Variants in HIPK3 observed in about 807,000 individuals in gnomAD.
HIPK3 encodes the protein homeodomain-interacting protein kinase 3.
A neutral mutation model predicts 124.2 loss-of-function variants in HIPK3; 47 were observed. The ratio of observed to expected loss-of-function variants is 0.38; its 90% CI spans 0.30 to 0.48. HIPK3 has a LOEUF of 0.48. Among genes scored for constraint, HIPK3 ranks in the 20% least tolerant of loss-of-function variants. The probability of loss-of-function intolerance (pLI) is 0.98; values close to 1 mark genes in which losing one functional copy is unlikely to be tolerated. For missense variants in HIPK3, 1,286 were observed against 1,454.3 expected (o/e 0.88, Z 1.88); for synonymous variants, 482 against 515.2 (o/e 0.94, Z 0.87).
chr11:33,308,154 A>C (rs1264191613), intron 2 of HIPK3, among the ~76,000 whole-genome samples: 4 of 152,164 alleles, frequency 2.6e-5, no homozygotes, highest in Admixed American at 2.6e-4. Flanking sequence ...GCTATCCCTA[A>C]ACTGAGCACC....
intron 4 of HIPK3, among the ~76,000 whole-genome samples, chr11:33,337,949 G>C (rs1290633037): frequency 2.0e-5 from 3 of 151,918 alleles, no homozygotes; most frequent in Admixed American, 2.0e-4. Flanking sequence ...TGGGATTACA[G>C]GTGTGAGCCA....
At position 33,349,333 on chromosome 11, in the gene HIPK3, A is replaced by G. The variant is rs1478558798; in HGVS notation, c.2807+46A>G. 9 of 1,509,688 alleles carry G rather than the reference A, an allele frequency of 6.0e-6. 1 individual carries two copies. The East Asian group carries it at 1.8e-4, about 31-fold the overall frequency. 93.5% of individuals were successfully genotyped at this position (1,509,688 alleles called of 1,614,324 possible). On this transcript the variant is annotated intron_variant, in intron 14 of 16. Coordinates refer to ENST00000303296, the MANE Select transcript of HIPK3 (RefSeq NM_005734.5). ...GTGTGTAATAAATAGTAAGTCTACT[A>G]AAAAGCCTACGATTTCTTTCTGTTG... is the stretch of plus-strand genomic sequence containing the variant.
intron 1 of HIPK3, among the ~76,000 whole-genome samples, chr11:33,262,252 A>G (rs1850845480): frequency 6.6e-6 from 1 of 152,330 alleles, no homozygotes. Context: ...GTTTGGAGGA[A>G]GAACAACTTA....
intron 8 of HIPK3, among the ~76,000 whole-genome samples, chr11:33,342,033 G>A (rs1383867164): frequency 6.7e-6 from 1 of 150,264 alleles, no homozygotes; most frequent in Non-Finnish European, 1.5e-5. Flanking sequence ...AAGCTGGAAA[G>A]TGGAGGTTGC....
intron 2 of HIPK3, among the ~76,000 whole-genome samples, chr11:33,292,860 C>T (rs563366347): frequency 2.4e-4 from 36 of 152,224 alleles, no homozygotes; most frequent in Admixed American, 1.6e-3. Flanking sequence ...CTCAGCTTCC[C>T]GAGTAACTGG....
intron 6 of HIPK3, among the ~76,000 whole-genome samples, chr11:33,339,871 A>G (rs1228587710): frequency 6.6e-6 from 1 of 152,180 alleles, no homozygotes; most frequent in Non-Finnish European, 1.5e-5. Flanking sequence ...CAGTTTTCCT[A>G]CACTGTAGGT....
In HIPK3 at chr11:33,355,670, A is replaced by G. The variant is rs1195291964; in HGVS notation, c.*2102A>G. ...GCAGTGTTTTATTTAATAATCATCA[A>G]TGAAATAAATGTGCCTGAAATTGAT... On this transcript the variant is annotated 3_prime_UTR_variant, in exon 17 of 17. Transcript: ENST00000303296. 1.3e-5 allele frequency: 2 copies of G among 152,008 alleles called. No individual in the cohort carries two copies. Among genetic ancestry groups the G allele is most frequent in the East Asian group, 1.9e-4 (1 of 5,206 alleles). The allele number at this position is 152,008 out of a possible 1,614,324, so 9.4% of individuals were successfully genotyped here.
rs538247198 is a variant in HIPK3, at chr11:33,335,949, A to G, written c.1222-1126A>G. Among the ~76,000 whole-genome samples, 218 of 152,272 alleles carry G rather than the reference A, an allele frequency of 1.4e-3. 2 individuals are homozygous for G. The highest frequency in any genetic ancestry group is 5.0e-3 in the African/African-American group (206 of 41,538). ...ATCAATATTTCAGGGCCTACTGTGT[A>G]CCATGCACTTTCATGGGCTCTGGGG... On this transcript the variant is annotated intron_variant, in intron 3 of 16. Transcript: ENST00000303296.
chr11:33,313,317 G>A (rs1007118273), intron 2 of HIPK3, among the ~76,000 whole-genome samples: 1 of 152,162 alleles, frequency 6.6e-6, no homozygotes, highest in Non-Finnish European at 1.5e-5. Flanking sequence ...TTTTTTTAAA[G>A]TATTGTTGTG....
At chr11:33,326,289 G>A (rs1852809243) in intron 2 of HIPK3, among the ~76,000 whole-genome samples, 4 of 152,186 alleles carry the variant, frequency 2.6e-5, no homozygotes, top group Admixed American at 2.6e-4. Context: ...TTTAATTGGT[G>A]TAGGGTGTGG....
chr11:33,311,069 C>T (rs1852321662), intron 2 of HIPK3, among the ~76,000 whole-genome samples: 3 of 152,238 alleles, frequency 2.0e-5, no homozygotes. Flanking sequence ...GAATTGTTGA[C>T]TACCTTAAGG....
rs1010705938 is a variant in HIPK3 at position 33,269,333 on chromosome 11, T to G, written c.-3+11444T>G. ...GACTTAATTCCAACAGTACACACTT[T>G]GGGATTTCACTCCTCTCTCAAGGAA... On this transcript the variant is annotated intron_variant, in intron 1 of 16. Transcript: ENST00000303296. Among the ~76,000 whole-genome samples, 13 of 152,314 alleles carry G rather than the reference T, an allele frequency of 8.5e-5. No individual in the cohort carries two copies. The East Asian group carries it at 1.2e-3, about 14-fold the overall frequency.
intron 4 of HIPK3, among the ~76,000 whole-genome samples, chr11:33,338,270 T>C (rs1170559325): frequency 1.3e-5 from 2 of 152,102 alleles, no homozygotes; most frequent in Admixed American, 1.3e-4. Flanking sequence ...AGTCTTACTC[T>C]GTTGCAAGGC....
chr11:33,320,408 A>G (rs1852629207), intron 2 of HIPK3, among the ~76,000 whole-genome samples: 1 of 152,078 alleles, frequency 6.6e-6, no homozygotes, highest in Non-Finnish European at 1.5e-5. Context: ...ATTGTGAGGA[A>G]TTTGACTTTT....
In HIPK3 at chr11:33,292,458, G is replaced by T. The variant is rs1311871820; in HGVS notation, c.1097+4947G>T. ...GGGTGATATAGGAACCCAAAGGAGG[G>T]CTCCGAGCCTGATCTGAGGGGCAGG... On this transcript the variant is annotated intron_variant, in intron 2 of 16. Coordinates refer to ENST00000303296, the MANE Select transcript of HIPK3 (RefSeq NM_005734.5). Among the ~76,000 whole-genome samples, 3 of 152,112 alleles carry T rather than the reference G, an allele frequency of 2.0e-5. No homozygotes were observed. The East Asian group carries it at 5.8e-4, about 29-fold the overall frequency.
At chr11:33,302,571 A>G (rs888708451) in intron 2 of HIPK3, among the ~76,000 whole-genome samples, 2 of 152,018 alleles carry the variant, frequency 1.3e-5, no homozygotes, top group African/African-American at 4.8e-5. Flanking sequence ...CCTGACCTCA[A>G]GTGGTCCACC....
At chr11:33,323,536 T>A (rs1274652587) in intron 2 of HIPK3, among the ~76,000 whole-genome samples, 1 of 152,152 alleles carries the variant, frequency 6.6e-6, no homozygotes, top group Non-Finnish European at 1.5e-5. Context: ...AGCCACCACG[T>A]CCGGCTGGAT....
In HIPK3 at chr11:33,286,010, A is replaced by G. The variant is rs745381679; in HGVS notation, c.-2-403A>G. Among the ~76,000 whole-genome samples the G allele has an allele frequency of 1.1e-4, 16 of 152,142 alleles. 1 individual carries two copies. The highest frequency in any genetic ancestry group is 1.8e-4 in the Non-Finnish European group (12 of 68,010). ...GGCTGGTCTTGGACTCCTGACCTCA[A>G]GTGATCCAACTGCCTCAGCCTCTCA... On this transcript the variant is annotated intron_variant, in intron 1 of 16. Transcript: ENST00000303296.
rs151105054 is a variant in HIPK3 at position 33,340,126 on chromosome 11, G to A, written c.1613+592G>A. Among the ~76,000 whole-genome samples the A allele has an allele frequency of 2.7e-3, 407 of 152,254 alleles. 1 individual carries two copies. The highest frequency in any genetic ancestry group is 4.7e-3 in the Non-Finnish European group (317 of 68,010). ...GGGTCTTGCTCTGTCAGTTGCCCAG[G>A]CTGGAGTGCAGTGGCACAATCTTTG... is the stretch of plus-strand genomic sequence containing the variant. On this transcript the variant is annotated intron_variant, in intron 6 of 16. Transcript: ENST00000303296.
Sources: allele counts gnomAD v4.1 joint callset (sites outside exome capture counted in the v4.1 genomes callset), GRCh38; gene constraint gnomAD v4.1.1; transcripts MANE v1.5; gene names NCBI Gene and HGNC (gene_info 2026-07-23, HGNC 2026-07-21).